COL18A1: variants seen among roughly 807,000 people sequenced by gnomAD.
COL18A1 encodes collagen alpha-1(XVIII) chain.
A neutral mutation model predicts 168.0 loss-of-function variants in COL18A1; 133 were observed. The observed-to-expected ratio is 0.79, with a 90% confidence interval of 0.69 to 0.91. The LOEUF (loss-of-function observed/expected upper bound fraction) is 0.91. Ranked by LOEUF, COL18A1 falls within the 40% of genes least tolerant of loss-of-function variation. The pLI is 0.00. For synonymous variants in COL18A1, 949 were observed against 809.0 expected (o/e 1.17, Z -2.94); for missense variants, 2,126 against 1,925.4 (o/e 1.10, Z -1.95).
intron 9 of COL18A1, among the ~76,000 whole-genome samples, chr21:45,478,734 G>C (rs1244165731): frequency 6.6e-6 from 1 of 152,068 alleles, no homozygotes; most frequent in East Asian, 1.9e-4. Context: ...GAGCTTCGTC[G>C]CAAAACACGC....
chr21:45,471,811 A>G lies in COL18A1; in HGVS notation c.652-2084A>G, dbSNP rs1292291077. Among the ~76,000 whole-genome samples, 1 of 152,000 alleles carries G rather than the reference A, an allele frequency of 6.6e-6. No individual in the cohort carries two copies. The highest frequency in any genetic ancestry group is 1.5e-5 in the Non-Finnish European group (1 of 67,970). The stretch of plus-strand genomic sequence containing the variant: ...TGCAGCGTGTCGGGAAGCATTTTAC[A>G]TGCTCTTCCCTCACAGAATTCCTGT... On this transcript the variant is annotated intron_variant, in intron 3 of 41. Transcript: ENST00000651438. This position sits in a 1 kb window ranked among gnomAD's most constrained non-coding sequence, Gnocchi z 4.4.
intron 2 of COL18A1, among the ~76,000 whole-genome samples, chr21:45,411,778 A>AGGGGT (rs1569273645): frequency 9.2e-6 from 1 of 108,300 alleles, no homozygotes; most frequent in African/African-American, 4.1e-5. Context: ...GGGGGGGGGC[A>AGGGGT]GGCTGTGGTC....
chr21:45,450,611 C>G (rs2034600103), intron 2 of COL18A1, among the ~76,000 whole-genome samples: 2 of 152,226 alleles, frequency 1.3e-5, no homozygotes, highest in Non-Finnish European at 2.9e-5. Flanking sequence ...GACAGGCCAA[C>G]AAGACAGGAC....
chr21:45,483,893 A>ACACATGCACACACACACCTCTC (rs2035983498), intron 15 of COL18A1, among the ~76,000 whole-genome samples: 1 of 148,644 alleles, frequency 6.7e-6, no homozygotes, highest in African/African-American at 2.5e-5. Context: ...CAGCATATGT[A>ACACATGCACACACACACCTCTC]CACATGCACA....
intron 22 of COL18A1, among the ~76,000 whole-genome samples, chr21:45,491,964 G>T (rs946727474): frequency 1.3e-5 from 2 of 152,254 alleles, no homozygotes; most frequent in African/African-American, 4.8e-5. Context: ...ACCAGTGGAA[G>T]GGGGGCTGCC....
In COL18A1 at chr21:45,509,368, G is replaced by C; in HGVS notation, c.3262G>C (p.Ala1088Pro). 1.9e-6 allele frequency: 3 copies of C among 1,545,348 alleles called. No homozygotes were observed. The highest frequency in any genetic ancestry group is 2.6e-6 in the Non-Finnish European group (3 of 1,146,622). The change falls in exon 39 of 42, where the codon GCC becomes CCC. Residue 1088 changes from alanine to proline, a missense_variant. Coordinates refer to ENST00000651438, the MANE Select transcript of COL18A1 (RefSeq NM_001379500.1). The part of the protein sequence containing the change: ...PLPRGTDNEV[A>P]ALQPPVVQLH... ...CTCCCACCTGCAGGACAATGAAGTGGCCGCCTTGCAGCCCCCCGTGGTGCA... is the reference window on the plus strand; with the variant it reads ...CTCCCACCTGCAGGACAATGAAGTGCCCGCCTTGCAGCCCCCCGTGGTGCA...
chr21:45,484,155 CCAG>C (rs1392378545), intron 15 of COL18A1, among the ~76,000 whole-genome samples: 1 of 137,824 alleles, frequency 7.3e-6, no homozygotes, highest in Non-Finnish European at 1.5e-5. Flanking sequence ...ACACACCTCT[CCAG>C]CATATGTACA....
chr21:45,479,475 A>C (rs1291559742), intron 9 of COL18A1, among the ~76,000 whole-genome samples: 1 of 152,054 alleles, frequency 6.6e-6, no homozygotes, highest in Admixed American at 6.5e-5. Flanking sequence ...GGATACACAC[A>C]TACACATACC....
At chr21:45,480,987 A>G (rs2145938745) in intron 13 of COL18A1, 129 bp downstream of exon 13, 1 of 1,375,028 alleles carries the variant, frequency 7.3e-7, no homozygotes, top group Non-Finnish European at 9.9e-7. Context: ...CATCTCCTCT[A>G]GGAGCTGGCG....
rs1406198513 is a variant in COL18A1, at chr21:45,442,308, T to G, written c.107-25934T>G. Among the ~76,000 whole-genome samples, 4 of 152,208 alleles carry G rather than the reference T, an allele frequency of 2.6e-5. 1 individual carries two copies. The highest frequency in any genetic ancestry group is 1.3e-4 in the Admixed American group (2 of 15,294). ...CACCTGTGAGTTTTATTTTTGTAAC[T>G]GCAGAGCATGATGAAAACCGTGAAG... On this transcript the variant is annotated intron_variant, in intron 2 of 41. Transcript: ENST00000651438.
At chr21:45,484,735 TACAC>T (rs1035316512) in intron 15 of COL18A1, among the ~76,000 whole-genome samples, 2 of 152,270 alleles carry the variant, frequency 1.3e-5, no homozygotes, top group Non-Finnish European at 2.9e-5. Flanking sequence ...CTAGCATATG[TACAC>T]ACACATGTAT....
At position 45,509,519 on chromosome 21, in the gene COL18A1, C is replaced by T. The variant is rs749512380; in HGVS notation, c.3413C>T (p.Pro1138Leu). The change falls in exon 39 of 42, where the codon CCG becomes CTG. Residue 1138 changes from proline to leucine, a missense_variant. Pro to Leu is a moderately conservative substitution (Grantham distance 98). Coordinates refer to ENST00000651438, the MANE Select transcript of COL18A1 (RefSeq NM_001379500.1). ...LPEPQPYPGA[P>L]HHSSYVHLRP... The stretch of plus-strand genomic sequence containing the variant: ...GAGCCCCAGCCCTACCCCGGAGCCC[C>T]GCACCACAGCTCCTACGTGCACCTG... 4.0e-5 allele frequency: 61 copies of T among 1,534,270 alleles called. No individual in the cohort carries two copies. The highest frequency in any genetic ancestry group is 1.8e-4 in the Middle Eastern group (1 of 5,504).
chr21:45,454,670 C>T (rs1437167446), intron 2 of COL18A1, among the ~76,000 whole-genome samples: 2 of 152,212 alleles, frequency 1.3e-5, no homozygotes, highest in Admixed American at 6.5e-5. Flanking sequence ...CCTCAGAGGG[C>T]ATAAGGCACA....
chr21:45,409,480 T>C (rs192761506), intron 2 of COL18A1, among the ~76,000 whole-genome samples: 8 of 152,184 alleles, frequency 5.3e-5, no homozygotes, highest in Non-Finnish European at 8.8e-5. Flanking sequence ...CTCCCAGGCC[T>C]GGGAGTTTGG....
In COL18A1 at chr21:45,507,509, C is replaced by A. The variant is rs573396856; in HGVS notation, c.3217-52C>A. The A allele has an allele frequency of 5.1e-6, 8 of 1,582,578 alleles. No homozygotes were observed. In the South Asian group the frequency reaches 7.9e-5, roughly 16 times the overall value. On this transcript the variant is annotated intron_variant, in intron 37 of 41. Transcript: ENST00000651438. ...GTCGGGTGCTGGGCAGGGAGGGCAC[C>A]CTGGCTCAGGCCCAGCCGCAGGTCC...
chr21:45,460,205 C>T (rs559522817), intron 2 of COL18A1, among the ~76,000 whole-genome samples: 11 of 152,322 alleles, frequency 7.2e-5, no homozygotes, highest in Admixed American at 3.9e-4. Context: ...AGCTCCCAGC[C>T]GGGGAGCACC....
chr21:45,464,517 CTG>C (rs1449360505), intron 2 of COL18A1, among the ~76,000 whole-genome samples: 1 of 152,190 alleles, frequency 6.6e-6, no homozygotes, highest in Non-Finnish European at 1.5e-5. Context: ...CTATTGGCGA[CTG>C]TAAGAAATTG....
intron 5 of COL18A1, 57 bp from the exon 6 acceptor site, chr21:45,476,294 G>A: frequency 6.2e-7 from 1 of 1,611,538 alleles, no homozygotes; most frequent in Non-Finnish European, 8.5e-7. Flanking sequence ...AACCAAGCAA[G>A]TCTCCACCGG....
intron 19 of COL18A1, among the ~76,000 whole-genome samples, chr21:45,489,907 C>T (rs1166687161): frequency 1.1e-5 from 1 of 93,372 alleles, no homozygotes; most frequent in Non-Finnish European, 2.2e-5. Flanking sequence ...CCCCCACTTC[C>T]ACCTGCCCCA....
Sources: allele counts gnomAD v4.1 joint callset (sites outside exome capture counted in the v4.1 genomes callset), GRCh38; gene constraint gnomAD v4.1.1; non-coding constraint Gnocchi (gnomAD v3.1); transcripts MANE v1.5; gene names NCBI Gene and HGNC (gene_info 2026-07-23, HGNC 2026-07-21).